The following ESR1 variants were observed in gnomAD, a reference collection of about 807,000 sequenced individuals.
ESR1 encodes estrogen receptor.
ESR1 carries 12 observed loss-of-function variants against 52.7 expected under a neutral mutation model. That is an observed-to-expected ratio of 0.23 (90% confidence interval 0.15 to 0.37). The LOEUF (loss-of-function observed/expected upper bound fraction) is 0.37, where lower values mean the gene tolerates loss of function less well. Ranked by LOEUF, ESR1 falls within the 10% of genes least tolerant of loss-of-function variation. The probability of loss-of-function intolerance (pLI) is 1.00; values close to 1 mark genes in which losing one functional copy is unlikely to be tolerated. For missense variants in ESR1, 584 were observed against 779.7 expected (o/e 0.75, Z 2.99); for synonymous variants, 305 against 316.8 (o/e 0.96, Z 0.39).
intron 2 of ESR1, among the ~76,000 whole-genome samples, chr6:151,745,235 C>A (rs985663113): frequency 1.5e-4 from 23 of 152,126 alleles, no homozygotes; most frequent in African/African-American, 4.3e-4. Flanking sequence ...TCCTTCTCCC[C>A]ACTTGCTACC....
chr6:151,939,230 T>C (rs2034745141), intron 3 of ESR1, among the ~76,000 whole-genome samples: 1 of 152,194 alleles, frequency 6.6e-6, no homozygotes, highest in Non-Finnish European at 1.5e-5. Context: ...CTGTTTAATA[T>C]TTGCATGATC....
intron 4 of ESR1, among the ~76,000 whole-genome samples, chr6:151,992,899 T>C (rs2041155350): frequency 1.3e-5 from 2 of 152,144 alleles, no homozygotes; most frequent in African/African-American, 2.4e-5. Flanking sequence ...ACATATATTA[T>C]CTAGTACTTG....
At chr6:152,062,114 T>C (rs893842393) in intron 6 of ESR1, among the ~76,000 whole-genome samples, 49 of 152,128 alleles carry the variant, frequency 3.2e-4, no homozygotes, top group African/African-American at 1.1e-3. Flanking sequence ...GCAGCTTGTA[T>C]TGATCACATA....
chr6:152,076,958 AG>A (rs1395224594), intron 6 of ESR1, among the ~76,000 whole-genome samples: 3 of 152,304 alleles, frequency 2.0e-5, no homozygotes, highest in South Asian at 2.1e-4. Flanking sequence ...TTTTTTGAGG[AG>A]AAATTCAAGC....
rs984517213 is a variant in ESR1 at position 151,684,014 on chromosome 6, G to A, written n.74-17861G>A. On this transcript the variant is annotated intron_variant and non_coding_transcript_variant, in intron 1 of 2. Transcript: ENST00000473497. ...GGCGTGAGCCACCACACCTGGCTAC[G>A]TGTCATACAATTCATTTGTCTCCCT... 5.9e-5 allele frequency among the ~76,000 whole-genome samples: 9 copies of A among 151,866 alleles called. No homozygotes were observed. In the South Asian group the frequency reaches 6.2e-4, roughly 11 times the overall value.
intron 2 of ESR1, among the ~76,000 whole-genome samples, chr6:151,711,908 A>G (rs1264197103): frequency 6.6e-6 from 1 of 152,122 alleles, no homozygotes; most frequent in Non-Finnish European, 1.5e-5. Flanking sequence ...TGTTTTAGTC[A>G]TGAAGTCTTT....
At position 151,910,696 on chromosome 6, in the gene ESR1, G is replaced by C. The variant is rs1339208504; in HGVS notation, c.760+29925G>C. 3.9e-5 allele frequency among the ~76,000 whole-genome samples: 6 copies of C among 152,278 alleles called. No homozygotes were observed. The East Asian group carries it at 1.2e-3, about 29-fold the overall frequency. On this transcript the variant is annotated intron_variant, in intron 3 of 7. Coordinates refer to ENST00000206249, the MANE Select transcript of ESR1 (RefSeq NM_000125.4). ...CATTGTTTTCAAAGTAGTTTTGAAAGTAGGCCATTGGTAAAGCAATCTATT... is the reference window on the plus strand; with the variant it reads ...CATTGTTTTCAAAGTAGTTTTGAAACTAGGCCATTGGTAAAGCAATCTATT...
At chr6:151,794,671 T>G (rs955130807) in intron 2 of ESR1, among the ~76,000 whole-genome samples, 6 of 152,146 alleles carry the variant, frequency 3.9e-5, no homozygotes, top group Admixed American at 1.3e-4. Flanking sequence ...ATGTTGCAAA[T>G]AGTCAAAACT....
intron 2 of ESR1, among the ~76,000 whole-genome samples, chr6:151,756,818 C>T (rs1271687271): frequency 3.9e-5 from 6 of 151,916 alleles, no homozygotes; most frequent in African/African-American, 7.3e-5. Context: ...GGTGAAACCC[C>T]GTCTCTATTA....
exon 7 of ESR1, chr6:152,128,990 T>G (rs2054503272): frequency 6.6e-6 from 1 of 152,264 alleles, no homozygotes. Context: ...CAGTCCCACC[T>G]GAGTAGCAAA....
chr6:152,096,653 C>T (rs904436573), intron 7 of ESR1: 1 of 455,870 alleles, frequency 2.2e-6, no homozygotes, highest in African/African-American at 2.0e-5. Flanking sequence ...AATCTCTGTT[C>T]TCAGGGTTCC....
chr6:151,735,656 T>C (rs1245372500), intron 2 of ESR1, among the ~76,000 whole-genome samples: 1 of 152,186 alleles, frequency 6.6e-6, no homozygotes, highest in Non-Finnish European at 1.5e-5. Flanking sequence ...GATTTTAGTT[T>C]ACCCATCACT....
At chr6:151,741,509 T>C (rs111756881) in intron 2 of ESR1, among the ~76,000 whole-genome samples, 1 of 152,206 alleles carries the variant, frequency 6.6e-6, no homozygotes, top group Non-Finnish European at 1.5e-5. Context: ...AAATTTCAAG[T>C]GCAGAAAAAT....
chr6:151,668,423 T>G (rs1462754444), intron 1 of ESR1, among the ~76,000 whole-genome samples: 3 of 151,966 alleles, frequency 2.0e-5, no homozygotes, highest in Non-Finnish European at 2.9e-5. Flanking sequence ...GGACTACAGG[T>G]GCCCGCCCGC....
At chr6:151,816,927 T>A (rs1779749919) in intron 1 of ESR1, among the ~76,000 whole-genome samples, 1 of 152,066 alleles carries the variant, frequency 6.6e-6, no homozygotes, top group South Asian at 2.1e-4. Context: ...TAAAAATTAA[T>A]CAATCAATAA....
intron 4 of ESR1, among the ~76,000 whole-genome samples, chr6:151,973,286 G>T (rs944586997): frequency 6.6e-6 from 1 of 152,142 alleles, no homozygotes; most frequent in African/African-American, 2.4e-5. Context: ...TGAGTAATTT[G>T]CCCAGAATAC....
chr6:151,700,843 A>G (rs1216182916), intron 1 of ESR1, among the ~76,000 whole-genome samples: 1 of 152,106 alleles, frequency 6.6e-6, no homozygotes, highest in Non-Finnish European at 1.5e-5. Flanking sequence ...TAAAGCTGTT[A>G]TACAACATTT....
intron 1 of ESR1, among the ~76,000 whole-genome samples, chr6:151,660,483 G>A (rs1343386997): frequency 6.6e-6 from 1 of 152,146 alleles, no homozygotes; most frequent in Non-Finnish European, 1.5e-5. Flanking sequence ...TGGGGTTGTT[G>A]TGAGGGTTAA....
At chr6:152,104,332 A>G (rs1344856745), downstream of ESR1, among the ~76,000 whole-genome samples, 1 of 152,198 alleles carries the variant, frequency 6.6e-6, no homozygotes, top group Non-Finnish European at 1.5e-5. Flanking sequence ...TCTAAAATAG[A>G]AACAAGAATA....
Sources: gnomAD v4.1 joint callset for allele counts (sites outside exome capture counted in the v4.1 genomes callset) on GRCh38, gnomAD v4.1.1 for gene constraint, MANE v1.5 for transcripts, NCBI Gene and HGNC (gene_info 2026-07-23, HGNC 2026-07-21) for gene names.